The following RTRAF variants were observed in gnomAD, a reference collection of about 807,000 sequenced individuals.
The protein encoded by RTRAF is tRNA-splicing ligase complex subunit RTRAF.
RTRAF carries 14 observed loss-of-function variants against 34.4 expected under a neutral mutation model. The observed-to-expected ratio is 0.41, with a 90% confidence interval of 0.27 to 0.64. The LOEUF is 0.64. RTRAF is among the 30% of genes least tolerant of loss of function. RTRAF has a pLI of 0.34. For missense variants in RTRAF, 291 were observed against 288.4 expected (o/e 1.01, Z -0.06); for synonymous variants, 96 against 95.3 (o/e 1.01, Z -0.04).
At chr14:51,996,950 A>G (rs1453593281) in intron 3 of RTRAF, among the ~76,000 whole-genome samples, 2 of 151,906 alleles carry the variant, frequency 1.3e-5, no homozygotes, top group Non-Finnish European at 1.5e-5. Flanking sequence ...GTGTCCCTCA[A>G]TTTGGATTTA....
Position 52,004,238 on chromosome 14 carries a change from A to G in RTRAF, c.576A>G (p.Thr192=), listed in dbSNP as rs1426719805. 6.2e-7 allele frequency: 1 copy of G among 1,613,360 alleles called. No individual in the cohort carries two copies. Among genetic ancestry groups the G allele is most frequent in the Non-Finnish European group, 8.5e-7 (1 of 1,179,624 alleles). ...ALDKHILGFD[T]GDAVLNEAAQ... ...ACAAACATATTCTTGGTTTTGACACAGGAGGTAAGTGATTTTGTTTAAATT... is the reference window on the plus strand; with the variant it reads ...ACAAACATATTCTTGGTTTTGACACGGGAGGTAAGTGATTTTGTTTAAATT... The change falls in exon 7 of 8, where the codon ACA becomes ACG. Residue 192 remains threonine (T), a synonymous_variant. Transcript: ENST00000261700.
Position 52,006,063 on chromosome 14 carries a change from A to ATGGTC in RTRAF, c.*1547_*1548insTGGTC. 1.8e-6 allele frequency: 1 copy of ATGGTC among 546,912 alleles called. No individual in the cohort carries two copies. The highest frequency in any genetic ancestry group is 3.2e-5 in the East Asian group (1 of 31,448). 33.9% of individuals were successfully genotyped at this position (546,912 alleles called of 1,614,324 possible). A position where few individuals can be genotyped will look rare whatever the true frequency, so the allele number is the denominator to read the frequency against. ...GTTAGAATCACATGATGAGCTATCA[A>ATGGTC]ATCAGAGTTGTAGGGCATGGTGTAA... On this transcript the variant is annotated 3_prime_UTR_variant, in exon 8 of 8. Coordinates refer to ENST00000261700, the MANE Select transcript of RTRAF (RefSeq NM_016039.3).
In RTRAF at chr14:52,005,431, C is replaced by G. The variant is rs1234488802; in HGVS notation, c.*915C>G. 28 of 1,509,142 alleles carry G rather than the reference C, an allele frequency of 1.9e-5. No homozygotes were observed. Among genetic ancestry groups the G allele is most frequent in the Non-Finnish European group, 2.0e-5 (22 of 1,127,280 alleles). 93.5% of individuals were successfully genotyped at this position (1,509,142 alleles called of 1,614,324 possible). On this transcript the variant is annotated 3_prime_UTR_variant, in exon 8 of 8. Transcript: ENST00000261700. The stretch of plus-strand genomic sequence containing the variant: ...TTTCTTTGCCTTTGCAGTCACTGTT[C>G]TTTAGGGTCCAGGTTCTGATTGTAA...
Position 52,004,972 on chromosome 14 carries a change from A to G in RTRAF, c.*456A>G, listed in dbSNP as rs1004558845. 1.9e-5 allele frequency: 3 copies of G among 157,796 alleles called. No homozygotes were observed. Among genetic ancestry groups the G allele is most frequent in the Admixed American group, 6.4e-5 (1 of 15,572 alleles). 9.8% of individuals were successfully genotyped at this position (157,796 alleles called of 1,614,324 possible). A position where few individuals can be genotyped will look rare whatever the true frequency, so the allele number is the denominator to read the frequency against. On this transcript the variant is annotated 3_prime_UTR_variant, in exon 8 of 8. Transcript: ENST00000261700. ...TTTTAGCACCTTTTGATATAAATAG[A>G]AATGCACTGATGCAGAGGTAAAAAA...
In RTRAF at chr14:52,006,293, C is replaced by T; in HGVS notation, c.*1777C>T. On this transcript the variant is annotated 3_prime_UTR_variant, in exon 8 of 8. Coordinates refer to ENST00000261700, the MANE Select transcript of RTRAF (RefSeq NM_016039.3). ...TTTGAGACATTATCCAATAGCTTTG[C>T]TACTTTTTAAGCTATATGTGAGCAA... is the stretch of plus-strand genomic sequence containing the variant. 1 of 455,040 alleles carries T rather than the reference C, an allele frequency of 2.2e-6. No individual in the cohort carries two copies. The highest frequency in any genetic ancestry group is 2.8e-5 in the South Asian group (1 of 35,826). The allele number at this position is 455,040 out of a possible 1,614,324, so 28.2% of individuals were successfully genotyped here.
intron 3 of RTRAF, chr14:51,997,789 C>G (rs887939232): frequency 7.5e-5 from 11 of 147,448 alleles, no homozygotes; most frequent in Non-Finnish European, 1.2e-4. Context: ...TGGGGGGAAG[C>G]GTACTTTTTA....
At chr14:52,003,097 T>C (rs773700210) in intron 6 of RTRAF, among the ~76,000 whole-genome samples, 2 of 152,198 alleles carry the variant, frequency 1.3e-5, no homozygotes, top group Non-Finnish European at 2.9e-5. Flanking sequence ...AAGTAAAATT[T>C]AGTTTTATTT....
At chr14:51,993,619 T>A (rs1467542863) in intron 2 of RTRAF, 104 bp from the exon 3 acceptor site, 2 of 673,052 alleles carry the variant, frequency 3.0e-6, no homozygotes, top group African/African-American at 3.8e-5. Flanking sequence ...TATTAAAAAA[T>A]TGTTAGAGAT....
At chr14:52,001,759 A>C in intron 5 of RTRAF, 39 bp from the exon 6 acceptor site, 2 of 1,556,790 alleles carry the variant, frequency 1.3e-6, no homozygotes, top group Non-Finnish European at 1.8e-6. Flanking sequence ...TGACAGGTAC[A>C]CAGCCTATAA....
At chr14:52,000,499 A>C (rs1052520532) in intron 5 of RTRAF, among the ~76,000 whole-genome samples, 2 of 152,126 alleles carry the variant, frequency 1.3e-5, no homozygotes, top group Non-Finnish European at 2.9e-5. Context: ...ATTTTATAAG[A>C]GATTAAAAGC....
chr14:52,000,771 G>A (rs747619262), intron 5 of RTRAF, among the ~76,000 whole-genome samples: 2 of 152,000 alleles, frequency 1.3e-5, no homozygotes, highest in African/African-American at 2.4e-5. Flanking sequence ...TCTTTATTCC[G>A]ACAATTATGT....
rs1473591598 is a variant in RTRAF at position 51,991,905 on chromosome 14, A to G, written c.186+464A>G. ...AACATGATGAAACCCTGTCTCTACA[A>G]GAAAATAGAAAGTTATCTGGGTGTG... On this transcript the variant is annotated intron_variant, in intron 2 of 7. Coordinates refer to ENST00000261700, the MANE Select transcript of RTRAF (RefSeq NM_016039.3). Among the ~76,000 whole-genome samples the G allele has an allele frequency of 3.9e-5, 6 of 152,288 alleles. No homozygotes were observed. In the East Asian group the frequency reaches 1.2e-3, roughly 29 times the overall value.
chr14:52,006,350 T>C lies in RTRAF; in HGVS notation c.*1834T>C. On this transcript the variant is annotated 3_prime_UTR_variant, in exon 8 of 8. Transcript: ENST00000261700. ...TCGATTTCTGGGTGAAGTAAAAGGA[T>C]GATTTCAAAAACATGAAAGGATGAA... 1.7e-6 allele frequency: 1 copy of C among 605,964 alleles called. No homozygotes were observed. The highest frequency in any genetic ancestry group is 2.9e-5 in the East Asian group (1 of 34,466). 37.5% of individuals were successfully genotyped at this position (605,964 alleles called of 1,614,324 possible).
chr14:51,989,586 T>A lies in RTRAF; in HGVS notation c.-54T>A. The A allele has an allele frequency of 6.5e-7, 1 of 1,544,498 alleles. No individual in the cohort carries two copies. Among genetic ancestry groups the A allele is most frequent in the Non-Finnish European group, 8.7e-7 (1 of 1,143,568 alleles). ...CGGTGCCTGCGCCTCCCGCTCCACC[T>A]CGCTTCTTCTCTCCCGGCCGAGGCC... On this transcript the variant is annotated 5_prime_UTR_variant, in exon 1 of 8. Coordinates refer to ENST00000261700, the MANE Select transcript of RTRAF (RefSeq NM_016039.3).
intron 2 of RTRAF, among the ~76,000 whole-genome samples, chr14:51,991,664 T>G (rs140351303): frequency 4.4e-4 from 67 of 152,368 alleles, no homozygotes; most frequent in East Asian, 2.1e-3. Context: ...AGAAATAGTT[T>G]TCTCTAGAAA....
chr14:52,004,570 T>C lies in RTRAF; in HGVS notation c.*54T>C. The C allele has an allele frequency of 1.3e-6, 2 of 1,493,446 alleles. No homozygotes were observed. Among genetic ancestry groups the C allele is most frequent in the South Asian group, 2.6e-5 (2 of 75,564 alleles). The allele number at this position is 1,493,446 out of a possible 1,614,324, so 92.5% of individuals were successfully genotyped here. ...CTTAGTACAGTTGGGAACCATACACTTCTGGCATGTTTGGAAATCAAAATG... is the reference window on the plus strand; with the variant it reads ...CTTAGTACAGTTGGGAACCATACACCTCTGGCATGTTTGGAAATCAAAATG... On this transcript the variant is annotated 3_prime_UTR_variant, in exon 8 of 8. Coordinates refer to ENST00000261700, the MANE Select transcript of RTRAF (RefSeq NM_016039.3).
chr14:51,997,613 G>T (rs1253683), intron 3 of RTRAF, among the ~76,000 whole-genome samples: 151,678 of 151,984 alleles, frequency 1, 75,687 homozygotes, highest in Middle Eastern at 1. Context: ...GAATTCCTTT[G>T]AAGTATTGTT....
At chr14:51,992,502 C>T (rs904335672) in intron 2 of RTRAF, among the ~76,000 whole-genome samples, 10 of 152,138 alleles carry the variant, frequency 6.6e-5, no homozygotes, top group African/African-American at 2.2e-4. Context: ...AAGTCCCTGG[C>T]GCATAGCAAG....
intron 2 of RTRAF, among the ~76,000 whole-genome samples, chr14:51,993,474 G>C (rs569826347): frequency 4.1e-4 from 62 of 152,290 alleles, no homozygotes; most frequent in African/African-American, 1.5e-3. Context: ...CCCTTGGCAA[G>C]TGTCAATCTC....
Sources: allele counts gnomAD v4.1 joint callset (sites outside exome capture counted in the v4.1 genomes callset), GRCh38; gene constraint gnomAD v4.1.1; transcripts MANE v1.5; gene names NCBI Gene and HGNC (gene_info 2026-07-23, HGNC 2026-07-21).